The following SGCZ variants were observed in gnomAD, a reference collection of about 807,000 sequenced individuals.
The protein encoded by SGCZ is zeta-sarcoglycan.
In SGCZ, 40 loss-of-function variants were observed where a neutral mutation model predicts 41.3. The ratio of observed to expected loss-of-function variants is 0.97; its 90% confidence interval spans 0.75 to 1.26. SGCZ has a LOEUF of 1.26. Among genes scored for constraint, SGCZ ranks in the 50% most tolerant of loss-of-function variants. SGCZ has a pLI of 0.00. For synonymous variants in SGCZ, 206 were observed against 137.5 expected (o/e 1.50, Z -3.49); for missense variants, 552 against 369.8 (o/e 1.49, Z -4.04).
At chr8:14,315,214 C>G (rs1041787482) in intron 3 of SGCZ, among the ~76,000 whole-genome samples, 1 of 152,090 alleles carries the variant, frequency 6.6e-6, no homozygotes, top group South Asian at 2.1e-4. Flanking sequence ...AATAAAATGA[C>G]CTACATTGTC....
At chr8:15,041,570 G>A (rs57888472) in intron 1 of SGCZ, among the ~76,000 whole-genome samples, 3,711 of 152,066 alleles carry the variant, frequency 0.024, 134 homozygotes, top group African/African-American at 0.085. Context: ...ACAATCATGA[G>A]AAGTATTTCC....
intron 6 of SGCZ, among the ~76,000 whole-genome samples, chr8:14,105,592 A>ATAAT (rs1276632635): frequency 6.6e-6 from 1 of 152,188 alleles, no homozygotes; most frequent in East Asian, 1.9e-4. Flanking sequence ...GAATACCTAC[A>ATAAT]TAATTACTCT....
At chr8:14,946,563 G>A (rs969122338) in intron 1 of SGCZ, among the ~76,000 whole-genome samples, 1 of 151,910 alleles carries the variant, frequency 6.6e-6, no homozygotes, top group South Asian at 2.1e-4. Context: ...TTTGTACTCT[G>A]CTGAGCGCCT....
intron 1 of SGCZ, among the ~76,000 whole-genome samples, chr8:14,652,057 C>A (rs535648385): frequency 6.6e-6 from 1 of 151,674 alleles, no homozygotes. Context: ...ATCTTTATCA[C>A]GGAAAGAATA....
intron 3 of SGCZ, among the ~76,000 whole-genome samples, chr8:14,304,292 A>C (rs1469700134): frequency 6.6e-6 from 1 of 151,920 alleles, no homozygotes; most frequent in Non-Finnish European, 1.5e-5. Flanking sequence ...AAAGTAAAGA[A>C]AATTTTAAAA....
chr8:15,032,656 G>A (rs1025440334), intron 1 of SGCZ, among the ~76,000 whole-genome samples: 1 of 152,080 alleles, frequency 6.6e-6, no homozygotes, highest in Non-Finnish European at 1.5e-5. Flanking sequence ...AGGGGCCTTG[G>A]GCTTAGGACC....
intron 1 of SGCZ, among the ~76,000 whole-genome samples, chr8:14,883,776 G>GTTTTTTTTT (rs1233614779): frequency 2.3e-5 from 2 of 86,030 alleles, no homozygotes; most frequent in African/African-American, 4.4e-5. Context: ...GCATCCTGTT[G>GTTTTTTTTT]TTTTTTTTTT....
chr8:14,549,618 C>T (rs964353247), intron 2 of SGCZ, among the ~76,000 whole-genome samples: 2 of 152,050 alleles, frequency 1.3e-5, no homozygotes, highest in Non-Finnish European at 2.9e-5. Flanking sequence ...GGAATTTACA[C>T]TTCAAAGGGA....
chr8:14,267,112 T>C (rs983449398), intron 3 of SGCZ, among the ~76,000 whole-genome samples: 2 of 152,108 alleles, frequency 1.3e-5, no homozygotes, highest in Non-Finnish European at 2.9e-5. Flanking sequence ...TGGTAGATAA[T>C]AGTCCTTTTA....
At chr8:15,118,537 TAA>T (rs1807356694) in intron 1 of SGCZ, among the ~76,000 whole-genome samples, 1 of 152,194 alleles carries the variant, frequency 6.6e-6, no homozygotes, top group African/African-American at 2.4e-5. Flanking sequence ...TGGGTTTATG[TAA>T]ACCTGTCTGT....
intron 5 of SGCZ, among the ~76,000 whole-genome samples, chr8:14,153,353 A>T (rs2116956909): frequency 6.6e-6 from 1 of 152,286 alleles, no homozygotes; most frequent in Non-Finnish European, 1.5e-5. Context: ...CTTCCAGGGG[A>T]AAGTTTTGAC....
intron 2 of SGCZ, among the ~76,000 whole-genome samples, chr8:14,463,026 G>A (rs1800946907): frequency 6.6e-6 from 1 of 151,416 alleles, no homozygotes; most frequent in African/African-American, 2.4e-5. Context: ...GATTTTTTGT[G>A]TTGACTAATA....
At chr8:14,752,777 C>T (rs941066663) in intron 1 of SGCZ, among the ~76,000 whole-genome samples, 1 of 152,118 alleles carries the variant, frequency 6.6e-6, no homozygotes, top group African/African-American at 2.4e-5. Flanking sequence ...GATAGATTAG[C>T]TGAACCTCAA....
intron 2 of SGCZ, among the ~76,000 whole-genome samples, chr8:14,421,172 AT>A (rs1329234114): frequency 6.6e-6 from 1 of 152,114 alleles, no homozygotes; most frequent in Non-Finnish European, 1.5e-5. Flanking sequence ...CCAGTCTAAC[AT>A]TCTTGTACAT....
chr8:14,615,554 T>C (rs1000077882), intron 1 of SGCZ, among the ~76,000 whole-genome samples: 5 of 152,136 alleles, frequency 3.3e-5, no homozygotes, highest in African/African-American at 9.7e-5. Flanking sequence ...TAAGAAAAAA[T>C]ACACTGAAAA....
At chr8:14,579,504 C>G (rs1396899412) in intron 1 of SGCZ, among the ~76,000 whole-genome samples, 2 of 152,198 alleles carry the variant, frequency 1.3e-5, no homozygotes, top group East Asian at 3.9e-4. Context: ...AACTGAATGA[C>G]TTCCCTGATT....
At chr8:15,217,416 CAA>C (rs35784389) in intron 1 of SGCZ, among the ~76,000 whole-genome samples, 98 of 118,786 alleles carry the variant, frequency 8.3e-4, no homozygotes, top group East Asian at 1.0e-3. Context: ...GACTCCGTCT[CAA>C]AAAAAAAAAA....
intron 1 of SGCZ, among the ~76,000 whole-genome samples, chr8:15,036,810 T>G (rs931101783): frequency 1.2e-4 from 18 of 152,066 alleles, no homozygotes; most frequent in South Asian, 2.1e-4. Context: ...TATGGGCCAA[T>G]ATCCCTGATT....
chr8:14,555,157 A>G (rs1803996407), intron 1 of SGCZ, among the ~76,000 whole-genome samples: 1 of 151,966 alleles, frequency 6.6e-6, no homozygotes, highest in Non-Finnish European at 1.5e-5. Flanking sequence ...CAATATATAT[A>G]TTATTTCCAG....
Sources: gnomAD v4.1 joint callset for allele counts (sites outside exome capture counted in the v4.1 genomes callset) on GRCh38, gnomAD v4.1.1 for gene constraint, MANE v1.5 for transcripts, NCBI Gene and HGNC (gene_info 2026-07-23, HGNC 2026-07-21) for gene names.